Variants in AHRR observed in about 807,000 individuals in gnomAD.
AHRR encodes the protein ahR repressor.
Under a neutral mutation model 44.0 loss-of-function variants are expected in AHRR, and 28 were observed. That is an observed-to-expected ratio of 0.64 (90% confidence interval 0.47 to 0.87). The LOEUF (loss-of-function observed/expected upper bound fraction) is 0.87, where lower values mean the gene tolerates loss of function less well. Ranked by LOEUF, AHRR falls within the 40% of genes least tolerant of loss-of-function variation. The probability of loss-of-function intolerance (pLI) is 0.00; values close to 1 mark genes in which losing one functional copy is unlikely to be tolerated. For missense variants in AHRR, 990 were observed against 953.9 expected, an observed-to-expected ratio of 1.04 and a Z score of -0.50; for synonymous variants, 434 against 407.0, an observed-to-expected ratio of 1.07 and a Z score of -0.80.
intron 5 of AHRR, 87 bp from the exon 6 acceptor site, chr5:422,641 GT>G: frequency 6.3e-7 from 1 of 1,578,174 alleles, no homozygotes; most frequent in South Asian, 1.1e-5. Context: ...GACAAGTGGA[GT>G]GGAAATTTTT....
Position 377,818 on chromosome 5 carries a change from C to T in AHRR, c.351+1102C>T, listed in dbSNP as rs181400933. Among the ~76,000 whole-genome samples, 348 of 152,344 alleles carry T rather than the reference C, an allele frequency of 2.3e-3. 1 individual carries two copies. The highest frequency in any genetic ancestry group is 7.9e-3 in the African/African-American group (330 of 41,594). ...GGACTTCCCACCCTGCTCCCAGCAG[C>T]GTGGGATATTTTGGAGCTACCTTCA... is the stretch of plus-strand genomic sequence containing the variant. On this transcript the variant is annotated intron_variant, in intron 4 of 10. Coordinates refer to ENST00000684583, the MANE Select transcript of AHRR (RefSeq NM_001377236.1).
At chr5:354,014 C>A in intron 3 of AHRR, 103 bp downstream of exon 3, 1 of 1,214,848 alleles carries the variant, frequency 8.2e-7, no homozygotes, top group Non-Finnish European at 1.2e-6. Context: ...TGGTGGGTTG[C>A]ACCATGTGCA....
intron 2 of AHRR, among the ~76,000 whole-genome samples, chr5:344,775 CTG>C (rs747045895): frequency 0.018 from 878 of 49,412 alleles, 235 homozygotes; most frequent in African/African-American, 0.15. Flanking sequence ...GTGTGTGTGA[CTG>C]TGCGGGTGTG....
chr5:410,720 G>A lies in AHRR; in HGVS notation c.352-2624G>A, dbSNP rs144548505. On this transcript the variant is annotated intron_variant, in intron 4 of 10. Coordinates refer to ENST00000684583, the MANE Select transcript of AHRR (RefSeq NM_001377236.1). The stretch of plus-strand genomic sequence containing the variant: ...TTGCTTTGTTTTCAATATACCAGTC[G>A]TGCACATCTTTTATTAGATTTATTC... Among the ~76,000 whole-genome samples, 526 of 152,214 alleles carry A rather than the reference G, an allele frequency of 3.5e-3. 4 individuals are homozygous for A. Among genetic ancestry groups the A allele is most frequent in the South Asian group, 6.6e-3 (32 of 4,816 alleles).
rs1196595731 is a variant in AHRR at position 388,753 on chromosome 5, G to C, written c.351+12037G>C. On this transcript the variant is annotated intron_variant, in intron 4 of 10. Transcript: ENST00000684583. This position sits in a 1 kb window ranked among gnomAD's most constrained non-coding sequence, Gnocchi z 5.2. ...CCTCTGGGCCCTGAAGAGCATCTCG[G>C]GGGACTTCAGTTTCAAACCTCAAAG... Among the ~76,000 whole-genome samples, 4 of 152,154 alleles carry C rather than the reference G, an allele frequency of 2.6e-5. No homozygotes were observed. Among genetic ancestry groups the C allele is most frequent in the Non-Finnish European group, 5.9e-5 (4 of 68,018 alleles).
In AHRR at chr5:387,276, G is replaced by A. The variant is rs531446188; in HGVS notation, c.351+10560G>A. On this transcript the variant is annotated intron_variant, in intron 4 of 10. Transcript: ENST00000684583. This position sits in a 1 kb window ranked among gnomAD's most constrained non-coding sequence, Gnocchi z 5.1. ...ACGTCCCCCACCCTGCTGCCTCCTG[G>A]GGATGACTCCTGGTCTTCTGATGAG... Among the ~76,000 whole-genome samples the A allele has an allele frequency of 6.6e-6, 1 of 152,206 alleles. No homozygotes were observed. The highest frequency in any genetic ancestry group is 6.5e-5 in the Admixed American group (1 of 15,280).
Position 435,742 on chromosome 5 carries a change from C to G in AHRR, c.*908C>G, listed in dbSNP as rs548630315. The G allele has an allele frequency of 2.6e-5, 4 of 152,594 alleles. No homozygotes were observed. In the East Asian group the frequency reaches 7.5e-4, roughly 29 times the overall value. 9.5% of individuals were successfully genotyped at this position (152,594 alleles called of 1,614,324 possible). ...AACTGCGCTGCCTGTGGGGGTTTCT[C>G]TCTGGCTGGCTGTACAGTTCACTCA... On this transcript the variant is annotated 3_prime_UTR_variant, in exon 11 of 11. Coordinates refer to ENST00000684583, the MANE Select transcript of AHRR (RefSeq NM_001377236.1).
chr5:428,146 C>A, intron 8 of AHRR, 140 bp downstream of exon 8: 2 of 995,070 alleles, frequency 2.0e-6, no homozygotes, highest in Non-Finnish European at 3.0e-6. Context: ...AAAGTCATTA[C>A]ACAACATAGG....
chr5:376,072 G>T (rs1733613519), intron 3 of AHRR, among the ~76,000 whole-genome samples: 1 of 152,176 alleles, frequency 6.6e-6, no homozygotes, highest in Admixed American at 6.5e-5. Context: ...CTAGGGAGGG[G>T]GCTGCGTGGG....
intron 3 of AHRR, 131 bp from the exon 4 acceptor site, chr5:376,479 A>G: frequency 2.0e-4 from 5 of 24,590 alleles, no homozygotes; most frequent in South Asian, 4.3e-4. Context: ...CAGAGGGGTC[A>G]GTGCAGCCCA....
chr5:385,102 A>G (rs1734118859), intron 4 of AHRR, among the ~76,000 whole-genome samples: 1 of 151,698 alleles, frequency 6.6e-6, no homozygotes, highest in Non-Finnish European at 1.5e-5. Context: ...AAAAACAAAA[A>G]CAAACAAACA....
chr5:363,700 C>G (rs1743259052), intron 3 of AHRR, among the ~76,000 whole-genome samples: 1 of 152,206 alleles, frequency 6.6e-6, no homozygotes, highest in Admixed American at 6.5e-5. Context: ...AGAAGGCACA[C>G]AGTAGGCACT....
At chr5:375,991 T>C (rs546929003) in intron 3 of AHRR, among the ~76,000 whole-genome samples, 2 of 152,276 alleles carry the variant, frequency 1.3e-5, no homozygotes, top group Non-Finnish European at 1.5e-5. Context: ...GCGACTGTCC[T>C]GGACCTGCCT....
intron 2 of AHRR, 146 bp downstream of exon 2, chr5:344,110 G>C (rs1742475244): frequency 2.5e-6 from 2 of 796,012 alleles, no homozygotes; most frequent in Middle Eastern, 3.4e-4. Context: ...CTCCGGCGCG[G>C]GCGGCGCAGG....
chr5:343,631 C>A, intron 1 of AHRR: 1 of 470,810 alleles, frequency 2.1e-6, no homozygotes, highest in Non-Finnish European at 3.7e-6. Flanking sequence ...CCAGAGCAGG[C>A]GGCTTCTCTG....
intron 4 of AHRR, among the ~76,000 whole-genome samples, chr5:410,526 A>T (rs542075849): frequency 8.1e-4 from 121 of 149,770 alleles, no homozygotes; most frequent in Non-Finnish European, 1.6e-3. Flanking sequence ...AAATTTTAGA[A>T]TCAGCTTGTC....
intron 7 of AHRR, among the ~76,000 whole-genome samples, chr5:427,033 T>TGATG (rs1186444589): frequency 1.6e-5 from 2 of 124,278 alleles, no homozygotes; most frequent in African/African-American, 3.1e-5. Flanking sequence ...GATGGGAAGA[T>TGATG]GATGGATGGA....
chr5:376,524 CG>C, intron 3 of AHRR, 85 bp from the exon 4 acceptor site: 1 of 1,421,642 alleles, frequency 7.0e-7, no homozygotes, highest in South Asian at 1.4e-5. Context: ...GGGGTGAACG[CG>C]GGGAAACACA....
chr5:432,229 G>T, intron 8 of AHRR: 1 of 495,264 alleles, frequency 2.0e-6, no homozygotes. Flanking sequence ...AAATTCATTA[G>T]CCCTTCATTG....
Sources: gnomAD v4.1 joint callset for allele counts (sites outside exome capture counted in the v4.1 genomes callset) on GRCh38, gnomAD v4.1.1 for gene constraint, Gnocchi (gnomAD v3.1) non-coding constraint, MANE v1.5 for transcripts, NCBI Gene and HGNC (gene_info 2026-07-23, HGNC 2026-07-21) for gene names.